The following MFSD6 variants were observed in gnomAD, a reference collection of about 807,000 sequenced individuals.
The protein encoded by MFSD6 is major facilitator superfamily domain-containing protein 6.
Under a neutral mutation model 56.3 loss-of-function variants are expected in MFSD6, and 26 were observed. The ratio of observed to expected loss-of-function variants is 0.46; its 90% CI spans 0.34 to 0.64. The LOEUF (loss-of-function observed/expected upper bound fraction) is 0.64. MFSD6 is among the 30% of genes least tolerant of loss of function. The pLI, the probability that MFSD6 is intolerant of heterozygous loss-of-function variation, is 0.01. For synonymous variants in MFSD6, 331 were observed against 366.9 expected, an observed-to-expected ratio of 0.90 and a Z score of 1.12; for missense variants, 750 against 986.2, an observed-to-expected ratio of 0.76 and a Z score of 3.21.
intron 2 of MFSD6, among the ~76,000 whole-genome samples, chr2:190,430,402 T>A (rs914449781): frequency 3.2e-4 from 49 of 151,226 alleles, no homozygotes; most frequent in Non-Finnish European, 5.8e-4. Context: ...GGAGTGGTGA[T>A]GACTCTTAAG....
At position 190,498,170 on chromosome 2, in the gene MFSD6, T is replaced by G. The variant is rs1415704829; in HGVS notation, c.2172+451T>G. 6.6e-6 allele frequency among the ~76,000 whole-genome samples: 1 copy of G among 152,160 alleles called. No homozygotes were observed. Among genetic ancestry groups the G allele is most frequent in the African/African-American group, 2.4e-5 (1 of 41,424 alleles). ...CTCAGTGGAATTATGGTTATGCAGG[T>G]GGCCTCACCTGAAAAATAAGTCTAA... On this transcript the variant is annotated intron_variant, in intron 7 of 7. Coordinates refer to ENST00000392328, the MANE Select transcript of MFSD6 (RefSeq NM_017694.4). This position sits in a 1 kb window ranked among gnomAD's most constrained non-coding sequence, Gnocchi z 5.9.
At chr2:190,481,370 A>C (rs1295695519) in intron 4 of MFSD6, among the ~76,000 whole-genome samples, 1 of 152,128 alleles carries the variant, frequency 6.6e-6, no homozygotes, top group African/African-American at 2.4e-5. Context: ...GTCCACTTTT[A>C]CTTATATATG....
In MFSD6 at chr2:190,416,312, T is replaced by C. The variant is rs1286039047; in HGVS notation, c.-54+899T>C. 6.6e-6 allele frequency among the ~76,000 whole-genome samples: 1 copy of C among 152,226 alleles called. No individual in the cohort carries two copies. The highest frequency in any genetic ancestry group is 1.5e-5 in the Non-Finnish European group (1 of 68,036). On this transcript the variant is annotated intron_variant, in intron 2 of 7. Coordinates refer to ENST00000392328, the MANE Select transcript of MFSD6 (RefSeq NM_017694.4). The surrounding 1 kb of genome is among the most constrained non-coding windows in gnomAD (Gnocchi z 4.1). ...CCCTTAAGAGATCAAAATAATTTGT[T>C]CCTTTTTCACCCTGTTAGCAAGTTG...
rs757061822 is a variant in MFSD6 at position 190,436,675 on chromosome 2, A to G, written c.646A>G (p.Thr216Ala). 5 of 1,614,224 alleles carry G rather than the reference A, an allele frequency of 3.1e-6. No homozygotes were observed. The highest frequency in any genetic ancestry group is 3.3e-5 in the Admixed American group (2 of 60,036). Residue 216 changes from threonine to alanine, a missense_variant, in exon 3 of 8, where the codon ACA becomes GCA. By Grantham distance (58) the Thr-to-Ala change is moderately conservative. Transcript: ENST00000392328. The surrounding 1 kb of genome is among the most constrained non-coding windows in gnomAD (Gnocchi z 5.3). ...TGTCTCAGACACCGTTACTTTGCCA[A>G]CAGCTCCAAACATGAACAGTGAACC... ...LNVSDTVTLP[T>A]APNMNSEPTL...
intron 4 of MFSD6, chr2:190,477,322 G>C (rs1343420120): frequency 4.1e-6 from 4 of 984,472 alleles, no homozygotes; most frequent in Non-Finnish European, 4.8e-6. Context: ...TCCTGACCTG[G>C]CTTAATTGCT....
At position 190,426,513 on chromosome 2, in the gene MFSD6, G is replaced by A. The variant is rs948094177; in HGVS notation, c.-53-9464G>A. ...ATATTTTAAATTCAGGGGGTACAATGCATGTTTGTTACATGGGTATATTGT... is the reference window on the plus strand; with the variant it reads ...ATATTTTAAATTCAGGGGGTACAATACATGTTTGTTACATGGGTATATTGT... On this transcript the variant is annotated intron_variant, in intron 2 of 7. Transcript: ENST00000392328. The surrounding 1 kb of genome is among the most constrained non-coding windows in gnomAD (Gnocchi z 4.7). Among the ~76,000 whole-genome samples the A allele has an allele frequency of 2.0e-5, 3 of 152,092 alleles. No individual in the cohort carries two copies. Among genetic ancestry groups the A allele is most frequent in the African/African-American group, 7.2e-5 (3 of 41,418 alleles).
At chr2:190,422,484 G>C (rs1286308298) in intron 2 of MFSD6, among the ~76,000 whole-genome samples, 1 of 152,180 alleles carries the variant, frequency 6.6e-6, no homozygotes, top group Admixed American at 6.5e-5. Flanking sequence ...GTGAGAAATT[G>C]CATGTGTAAA....
At chr2:190,449,868 G>GT (rs1686712592) in intron 3 of MFSD6, among the ~76,000 whole-genome samples, 2 of 151,910 alleles carry the variant, frequency 1.3e-5, no homozygotes, top group African/African-American at 4.8e-5. Flanking sequence ...CTGTTGTGGG[G>GT]TGGGGGAAGG....
rs1271214148 is a variant in MFSD6 at position 190,437,198 on chromosome 2, G to C, written c.1169G>C (p.Arg390Pro). 10 of 1,614,150 alleles carry C rather than the reference G, an allele frequency of 6.2e-6. No homozygotes were observed. In the South Asian group the frequency reaches 1.1e-4, roughly 18 times the overall value. ...GCCTTGATCGTTGCCACTCAGTTCC[G>C]GTTCCGCTACAACCATTTCAAAAAC... ...TMALIVATQF[R>P]FRYNHFKNDD... Residue 390 changes from arginine to proline, a missense_variant, in exon 3 of 8, where the codon CGG becomes CCG. By Grantham distance (103) the Arg-to-Pro change is moderately radical. Transcript: ENST00000392328. This position sits in a 1 kb window ranked among gnomAD's most constrained non-coding sequence, Gnocchi z 5.9.
chr2:190,488,682 A>G lies in MFSD6; in HGVS notation c.1656A>G (p.Ala552=), dbSNP rs1308331996. Reference sequence around the variant, plus strand: ...GAGTGACACACGCGGCCATCTGGGCAGCATGCATTTCTTACCTCAGTGCAG... The same window carrying G: ...GAGTGACACACGCGGCCATCTGGGCGGCATGCATTTCTTACCTCAGTGCAG... ...LQGVTHAAIW[A]ACISYLSAAV... is the part of the protein sequence containing the mutation. Residue 552 remains alanine (A), a synonymous_variant, in exon 5 of 8, where the codon GCA becomes GCG. Transcript: ENST00000392328. The surrounding 1 kb of genome is among the most constrained non-coding windows in gnomAD (Gnocchi z 6.4). 1 of 1,588,296 alleles carries G rather than the reference A, an allele frequency of 6.3e-7. No individual in the cohort carries two copies. Among genetic ancestry groups the G allele is most frequent in the Middle Eastern group, 1.7e-4 (1 of 5,978 alleles).
chr2:190,472,563 G>C (rs1469036617), intron 4 of MFSD6, among the ~76,000 whole-genome samples: 4 of 152,160 alleles, frequency 2.6e-5, no homozygotes, highest in Non-Finnish European at 5.9e-5. Context: ...AACGAACAAA[G>C]CCTCCAAGAA....
At chr2:190,440,860 C>A (rs1432883326) in intron 3 of MFSD6, among the ~76,000 whole-genome samples, 2 of 152,212 alleles carry the variant, frequency 1.3e-5, no homozygotes, top group East Asian at 3.9e-4. Context: ...AAGAAAATAC[C>A]TGATGCAGCT....
In MFSD6 at chr2:190,497,344, G is replaced by A. The variant is rs576449732; in HGVS notation, c.1892-95G>A. 1.5e-6 allele frequency: 2 copies of A among 1,369,054 alleles called. No individual in the cohort carries two copies. Among genetic ancestry groups the A allele is most frequent in the South Asian group, 2.7e-5 (2 of 73,598 alleles). 84.8% of individuals were successfully genotyped at this position (1,369,054 alleles called of 1,614,324 possible). On this transcript the variant is annotated intron_variant, in intron 6 of 7. Transcript: ENST00000392328. The surrounding 1 kb of genome is among the most constrained non-coding windows in gnomAD (Gnocchi z 5.2). ...AATATTATCAAGCACTCTGGAATGG[G>A]TATATGGGATTCTTGGTTTATTTAT... is the stretch of plus-strand genomic sequence containing the variant.
intron 3 of MFSD6, chr2:190,444,829 A>T: frequency 1.3e-6 from 1 of 742,406 alleles, no homozygotes; most frequent in Non-Finnish European, 1.6e-6. Flanking sequence ...GTGTTTCATA[A>T]AGATAATGTT....
chr2:190,411,468 A>C (rs564641378), intron 1 of MFSD6: 1 of 985,366 alleles, frequency 1.0e-6, no homozygotes, highest in Non-Finnish European at 1.2e-6. Flanking sequence ...GACAGTGGCT[A>C]TCTTCAGGAA....
At chr2:190,407,876 G>C (rs1690364670), upstream of MFSD6, among the ~76,000 whole-genome samples, 1 of 152,192 alleles carries the variant, frequency 6.6e-6, no homozygotes, top group Admixed American at 6.5e-5. This position sits in a 1 kb window ranked among gnomAD's most constrained non-coding sequence, Gnocchi z 5.4. Flanking sequence ...CCACTTAAAA[G>C]GCGCTCAAGG....
intron 3 of MFSD6, among the ~76,000 whole-genome samples, chr2:190,448,413 T>A (rs1172275633): frequency 6.6e-6 from 1 of 152,222 alleles, no homozygotes; most frequent in African/African-American, 2.4e-5. Flanking sequence ...ACAGTCTAAA[T>A]AGCCATCAAT....
chr2:190,411,169 T>G (rs1164363597), intron 1 of MFSD6: 8 of 980,914 alleles, frequency 8.2e-6, no homozygotes, highest in Non-Finnish European at 9.7e-6. Flanking sequence ...TAGTTTTTTT[T>G]TTTTTTTTTC....
rs1690611121 is a variant in MFSD6 at position 190,412,754 on chromosome 2, A to G, written c.-175-2538A>G. 3.0e-6 allele frequency: 1 copy of G among 336,362 alleles called. No homozygotes were observed. The highest frequency in any genetic ancestry group is 2.2e-5 in the African/African-American group (1 of 44,582). 20.8% of individuals were successfully genotyped at this position (336,362 alleles called of 1,614,324 possible). A position where few individuals can be genotyped will look rare whatever the true frequency, so the allele number is the denominator to read the frequency against. On this transcript the variant is annotated intron_variant, in intron 1 of 7. Coordinates refer to ENST00000392328, the MANE Select transcript of MFSD6 (RefSeq NM_017694.4). This position sits in a 1 kb window ranked among gnomAD's most constrained non-coding sequence, Gnocchi z 4.1. Reference sequence around the variant, plus strand: ...TTGTGTCAGCCTGATTTGTTTTCCTAAATTCTGAATGATACGTTATCCAGT... The same window carrying G: ...TTGTGTCAGCCTGATTTGTTTTCCTGAATTCTGAATGATACGTTATCCAGT...
Sources: gnomAD v4.1 joint callset for allele counts (sites outside exome capture counted in the v4.1 genomes callset) on GRCh38, gnomAD v4.1.1 for gene constraint, Gnocchi (gnomAD v3.1) non-coding constraint, MANE v1.5 for transcripts, NCBI Gene and HGNC (gene_info 2026-07-23, HGNC 2026-07-21) for gene names.